The following STARD13 variants were observed in gnomAD, a reference collection of about 807,000 sequenced individuals.
STARD13 encodes StAR related lipid transfer domain containing 13, also known as stAR-related lipid transfer protein 13.
STARD13 carries 62 observed loss-of-function variants against 106.4 expected under a neutral mutation model. That is an observed-to-expected ratio of 0.58 (90% CI 0.48 to 0.72). The LOEUF (loss-of-function observed/expected upper bound fraction) is 0.72, where lower values mean the gene tolerates loss of function less well. Ranked by LOEUF, STARD13 falls within the 30% of genes least tolerant of loss-of-function variation. The pLI, the probability that STARD13 is intolerant of heterozygous loss-of-function variation, is 0.00. For missense variants in STARD13, 1,387 were observed against 1,424.0 expected (o/e 0.97, Z 0.42); for synonymous variants, 565 against 553.0 (o/e 1.02, Z -0.31).
intron 1 of STARD13, among the ~76,000 whole-genome samples, chr13:33,173,240 T>C (rs1353188226): frequency 2.0e-5 from 3 of 152,238 alleles, no homozygotes; most frequent in African/African-American, 7.2e-5. Context: ...GTAACTTTAC[T>C]ACTTCAGGAG....
the STARD13 span, among the ~76,000 whole-genome samples, chr13:33,409,022 T>A: frequency 1.3e-5 from 2 of 151,662 alleles, no homozygotes; most frequent in African/African-American, 4.8e-5. Context: ...CTCTTTTGCT[T>A]GATATTTCCA....
At chr13:33,265,575 G>T (rs1428385884) in intron 1 of STARD13, among the ~76,000 whole-genome samples, 4 of 152,042 alleles carry the variant, frequency 2.6e-5, no homozygotes, top group African/African-American at 9.7e-5. Flanking sequence ...TTTACTCTAA[G>T]AATTATAAAA....
At chr13:33,293,919 T>C (rs929469222) in intron 1 of STARD13, among the ~76,000 whole-genome samples, 1 of 152,196 alleles carries the variant, frequency 6.6e-6, no homozygotes, top group Admixed American at 6.5e-5. Context: ...AGTGGGTCAA[T>C]ACTTAATAAA....
At position 33,129,675 on chromosome 13, in the gene STARD13, G is replaced by A; in HGVS notation, c.1002C>T (p.Ser334=). The change falls in exon 5 of 14, where the codon AGC becomes AGT. Residue 334 remains serine (S), a synonymous_variant. Coordinates refer to ENST00000336934, the MANE Select transcript of STARD13 (RefSeq NM_178006.4). ...CCCCGCTGCTGCTGTGCTCCGACGG[G>A]CTGCTCTCGCCACTCGACTTGCCAG... ...PCSGKSSGES[S]PSEHSSSGVS... 6.2e-7 allele frequency: 1 copy of A among 1,613,978 alleles called. No individual in the cohort carries two copies. The highest frequency in any genetic ancestry group is 1.1e-5 in the South Asian group (1 of 91,082).
the STARD13 span, among the ~76,000 whole-genome samples, chr13:33,373,036 T>C: frequency 2.0e-5 from 3 of 152,112 alleles, no homozygotes; most frequent in South Asian, 4.1e-4. Context: ...TTTCTATTTT[T>C]CAGTTGACTT....
chr13:33,358,372 G>T, the STARD13 span, among the ~76,000 whole-genome samples: 1 of 152,224 alleles, frequency 6.6e-6, no homozygotes, highest in Non-Finnish European at 1.5e-5. Flanking sequence ...GTAAGCGCAC[G>T]GCACAGGACT....
intron 1 of STARD13, among the ~76,000 whole-genome samples, chr13:33,169,102 T>C (rs1411868102): frequency 6.6e-6 from 1 of 152,222 alleles, no homozygotes; most frequent in Non-Finnish European, 1.5e-5. Flanking sequence ...TCCTACCATG[T>C]ACCCATTCCT....
the STARD13 span, among the ~76,000 whole-genome samples, chr13:33,658,578 A>G: frequency 6.6e-6 from 1 of 152,232 alleles, no homozygotes; most frequent in Non-Finnish European, 1.5e-5. Flanking sequence ...CTTTTTCTCA[A>G]CATACCTTTC....
chr13:33,448,824 T>G, the STARD13 span, among the ~76,000 whole-genome samples: 1 of 152,208 alleles, frequency 6.6e-6, no homozygotes, highest in Non-Finnish European at 1.5e-5. Context: ...GATATCTATT[T>G]GCATTTCCCC....
the STARD13 span, among the ~76,000 whole-genome samples, chr13:33,453,238 A>C: frequency 1.3e-5 from 2 of 152,214 alleles, no homozygotes; most frequent in African/African-American, 4.8e-5. Context: ...AAACAAACAA[A>C]AACAACAACA....
the STARD13 span, among the ~76,000 whole-genome samples, chr13:33,373,191 G>A: frequency 6.6e-6 from 1 of 152,048 alleles, no homozygotes. Flanking sequence ...TAAATCTAAG[G>A]ACAATGATGG....
Position 33,110,100 on chromosome 13 carries a change from GACA to G in STARD13, c.2830-13_2830-11del. 2 of 1,613,498 alleles carry G rather than the reference GACA, an allele frequency of 1.2e-6. No homozygotes were observed. The highest frequency in any genetic ancestry group is 8.5e-7 in the Non-Finnish European group (1 of 1,179,662). ...GGTTCCCGTCGCCCACCTTGGGAAA[GACA>G]ACGTCAGAAGCTGAAGAGGTTGTCT... is the stretch of plus-strand genomic sequence containing the variant. On this transcript the variant is annotated splice_polypyrimidine_tract_variant and intron_variant, in intron 11 of 13. Transcript: ENST00000336934.
At chr13:33,594,424 T>G in the STARD13 span, among the ~76,000 whole-genome samples, 2 of 152,204 alleles carry the variant, frequency 1.3e-5, no homozygotes, top group Non-Finnish European at 2.9e-5. Flanking sequence ...AGGAGGATGA[T>G]CTACTAAAAC....
At chr13:33,158,317 A>G (rs908066316) in intron 3 of STARD13, among the ~76,000 whole-genome samples, 18 of 152,220 alleles carry the variant, frequency 1.2e-4, no homozygotes, top group Non-Finnish European at 2.6e-4. Context: ...CCAATCAAAA[A>G]AGGTAACACT....
intron 8 of STARD13, 187 bp from the exon 9 acceptor site, chr13:33,113,118 G>T: frequency 1.8e-6 from 1 of 553,382 alleles, no homozygotes; most frequent in Non-Finnish European, 3.2e-6. Flanking sequence ...CTCATGGGAG[G>T]CAGAGCTGAG....
intron 13 of STARD13, 141 bp from the exon 14 acceptor site, chr13:33,105,851 G>T: frequency 1.4e-6 from 1 of 694,800 alleles, no homozygotes; most frequent in South Asian, 1.8e-5. Flanking sequence ...GAGGGGCTCA[G>T]GACGTCATTC....
chr13:33,668,798 C>T, the STARD13 span, among the ~76,000 whole-genome samples: 2 of 152,192 alleles, frequency 1.3e-5, no homozygotes, highest in Non-Finnish European at 2.9e-5. Flanking sequence ...CTGAAGATCA[C>T]ATGCTATTTT....
the STARD13 span, among the ~76,000 whole-genome samples, chr13:33,370,590 T>C: frequency 4.1e-4 from 63 of 151,952 alleles, no homozygotes; most frequent in African/African-American, 1.4e-3. Context: ...TTTGACATAC[T>C]TTCTTTTCTT....
chr13:33,433,974 C>T, the STARD13 span, among the ~76,000 whole-genome samples: 4 of 152,116 alleles, frequency 2.6e-5, no homozygotes, highest in African/African-American at 9.7e-5. Flanking sequence ...TGTGGATGGA[C>T]AAGCAGTAGC....
Sources: gnomAD v4.1 joint callset for allele counts (sites outside exome capture counted in the v4.1 genomes callset) on GRCh38, gnomAD v4.1.1 for gene constraint, MANE v1.5 for transcripts, NCBI Gene and HGNC (gene_info 2026-07-23, HGNC 2026-07-21) for gene names.